The following MAPK10 variants were observed in gnomAD, a reference collection of about 807,000 sequenced individuals.
MAPK10 encodes mitogen-activated protein kinase 10.
Under a neutral mutation model 59.3 loss-of-function variants are expected in MAPK10, and 25 were observed. The observed-to-expected ratio is 0.42, with a 90% CI of 0.31 to 0.59. The LOEUF (loss-of-function observed/expected upper bound fraction) is 0.59, where lower values mean the gene tolerates loss of function less well. Among genes scored for constraint, MAPK10 ranks in the 20% least tolerant of loss-of-function variants. The pLI, the probability that MAPK10 is intolerant of heterozygous loss-of-function variation, is 0.15. For synonymous variants in MAPK10, 190 were observed against 200.5 expected (o/e 0.95, Z 0.44); for missense variants, 351 against 568.9 (o/e 0.62, Z 3.90).
intron 1 of MAPK10, among the ~76,000 whole-genome samples, chr4:86,448,833 T>A (rs1181568807): frequency 1.3e-5 from 2 of 152,162 alleles, no homozygotes; most frequent in Admixed American, 6.5e-5. Flanking sequence ...TAATGTAATA[T>A]CAGTGGAAGC....
chr4:86,233,415 T>C (rs2148668504), intron 2 of MAPK10, among the ~76,000 whole-genome samples: 1 of 152,256 alleles, frequency 6.6e-6, no homozygotes, highest in South Asian at 2.1e-4. Context: ...ATATAAACTC[T>C]CTGACTGACT....
chr4:86,433,131 G>C (rs1564858484), intron 1 of MAPK10, among the ~76,000 whole-genome samples: 1 of 152,306 alleles, frequency 6.6e-6, no homozygotes, highest in Non-Finnish European at 1.5e-5. Flanking sequence ...TGTACAGAGG[G>C]AGGTTAATAT....
chr4:86,403,805 C>T (rs896319950), intron 1 of MAPK10, among the ~76,000 whole-genome samples: 5 of 152,124 alleles, frequency 3.3e-5, no homozygotes, highest in African/African-American at 1.2e-4. Context: ...TTACCTCCCT[C>T]CCTTGACACA....
rs2095946354 is a variant in MAPK10, at chr4:86,323,391, T to C, written c.-7+31139A>G. On this transcript the variant is annotated intron_variant, in intron 2 of 13. Coordinates refer to ENST00000641462, the MANE Select transcript of MAPK10 (RefSeq NM_138982.4). ...GCACAAATCTGACATCAATTAGAAG[T>C]GGTGTTTGCCAATCTGTGCCAGGCA... 2.0e-5 allele frequency among the ~76,000 whole-genome samples: 3 copies of C among 152,152 alleles called. 1 individual carries two copies. In the South Asian group the frequency reaches 6.2e-4, roughly 31 times the overall value.
chr4:86,438,455 C>T (rs891993713), intron 1 of MAPK10, among the ~76,000 whole-genome samples: 36 of 151,848 alleles, frequency 2.4e-4, no homozygotes, highest in African/African-American at 8.5e-4. Context: ...TTTGGGAGGC[C>T]GAGGGGGGTG....
intron 13 of MAPK10, among the ~76,000 whole-genome samples, chr4:86,019,152 G>A (rs775018318): frequency 2.0e-5 from 3 of 152,134 alleles, no homozygotes; most frequent in Non-Finnish European, 4.4e-5. Context: ...GATATGCACC[G>A]ATCTTCAAAT....
rs146425343 is a variant in MAPK10 at position 86,213,400 on chromosome 4, T to G, written c.-6-18993A>C. On this transcript the variant is annotated intron_variant, in intron 2 of 13. Coordinates refer to ENST00000641462, the MANE Select transcript of MAPK10 (RefSeq NM_138982.4). Reference sequence around the variant, plus strand: ...AGAATAGAAAAGCAAAAAAGAAAATTGTTGAAATCGAAAGTTTGTTTTTTA... The same window carrying G: ...AGAATAGAAAAGCAAAAAAGAAAATGGTTGAAATCGAAAGTTTGTTTTTTA... Among the ~76,000 whole-genome samples the G allele has an allele frequency of 8.6e-3, 1,314 of 152,052 alleles. 12 individuals carry two copies. Among genetic ancestry groups the G allele is most frequent in the Non-Finnish European group, 0.014 (984 of 67,904 alleles).
intron 4 of MAPK10, among the ~76,000 whole-genome samples, chr4:86,135,976 G>A (rs1314033622): frequency 6.6e-6 from 1 of 151,778 alleles, no homozygotes. Context: ...AAGAAGGGAA[G>A]TTTAGAGAAA....
chr4:86,545,376 G>A (rs1759067355), intron 1 of MAPK10, among the ~76,000 whole-genome samples: 3 of 152,108 alleles, frequency 2.0e-5, no homozygotes, highest in Admixed American at 6.5e-5. Context: ...GAATAAAGAC[G>A]GCATTTTAGT....
At chr4:86,562,653 C>G (rs1760765298) in intron 1 of MAPK10, among the ~76,000 whole-genome samples, 1 of 151,980 alleles carries the variant, frequency 6.6e-6, no homozygotes, top group African/African-American at 2.4e-5. Context: ...TGTGATCCAG[C>G]CACTGTACTC....
chr4:86,242,657 G>A (rs1204542091), intron 2 of MAPK10, among the ~76,000 whole-genome samples: 1 of 152,200 alleles, frequency 6.6e-6, no homozygotes. Context: ...GTTGGGCTGT[G>A]GGGACAAGTC....
chr4:86,097,092 C>T (rs1408880319), intron 9 of MAPK10, among the ~76,000 whole-genome samples: 1 of 151,864 alleles, frequency 6.6e-6, no homozygotes, highest in Admixed American at 6.6e-5. Context: ...AATGCTATCA[C>T]CTTAACACAA....
At position 86,123,167 on chromosome 4, in the gene MAPK10, G is replaced by T. The variant is rs371212858; in HGVS notation, c.237-15815C>A. 5.3e-5 allele frequency among the ~76,000 whole-genome samples: 8 copies of T among 151,996 alleles called. No individual in the cohort carries two copies. The East Asian group carries it at 9.7e-4, about 18-fold the overall frequency. On this transcript the variant is annotated intron_variant, in intron 4 of 13. Coordinates refer to ENST00000641462, the MANE Select transcript of MAPK10 (RefSeq NM_138982.4). The stretch of plus-strand genomic sequence containing the variant: ...TACAGTATTTGTCTTTCCGTGTCTG[G>T]TTTATTTTCCTTAACATAAAGTCCT...
intron 1 of MAPK10, among the ~76,000 whole-genome samples, chr4:86,452,334 A>G (rs1750811573): frequency 6.6e-6 from 1 of 152,210 alleles, no homozygotes; most frequent in African/African-American, 2.4e-5. Context: ...CAATCCAGGT[A>G]TTAGACATTT....
At chr4:86,100,912 T>TA (rs926616686) in intron 8 of MAPK10, 140 bp downstream of exon 8, 142 of 656,438 alleles carry the variant, frequency 2.2e-4, no homozygotes, top group East Asian at 3.0e-4. Context: ...CCAGTAGTAT[T>TA]AAAAAAAACC....
intron 9 of MAPK10, among the ~76,000 whole-genome samples, chr4:86,095,963 A>G (rs1183132597): frequency 6.6e-6 from 1 of 151,826 alleles, no homozygotes; most frequent in Non-Finnish European, 1.5e-5. Flanking sequence ...ATTTTTTGGT[A>G]AAATTTAACT....
intron 1 of MAPK10, among the ~76,000 whole-genome samples, chr4:86,540,263 G>A (rs1313511037): frequency 6.6e-6 from 1 of 152,202 alleles, no homozygotes; most frequent in Non-Finnish European, 1.5e-5. Context: ...CACTTTGGAA[G>A]GCCAAGCTGG....
chr4:86,116,699 A>G (rs2058344379), intron 4 of MAPK10, among the ~76,000 whole-genome samples: 1 of 152,222 alleles, frequency 6.6e-6, no homozygotes, highest in African/African-American at 2.4e-5. Flanking sequence ...AATTTTAGGT[A>G]TGAATGTCAG....
chr4:86,038,721 C>T (rs1218167151), intron 11 of MAPK10, among the ~76,000 whole-genome samples: 1 of 151,930 alleles, frequency 6.6e-6, no homozygotes, highest in Non-Finnish European at 1.5e-5. Context: ...TCTCTAAAGC[C>T]TTATATTCTC....
Sources: allele counts gnomAD v4.1 joint callset (sites outside exome capture counted in the v4.1 genomes callset), GRCh38; gene constraint gnomAD v4.1.1; transcripts MANE v1.5; gene names NCBI Gene and HGNC (gene_info 2026-07-23, HGNC 2026-07-21).